Variants in TENM2 observed in about 807,000 individuals in gnomAD.
TENM2 encodes the protein teneurin transmembrane protein 2.
In TENM2, 52 loss-of-function variants were observed where a neutral mutation model predicts 245.2. That is an observed-to-expected ratio of 0.21 (90% CI 0.17 to 0.27). TENM2 has a LOEUF of 0.27. Ranked by LOEUF, TENM2 falls within the 10% of genes least tolerant of loss-of-function variation. The probability of loss-of-function intolerance (pLI) is 1.00; values close to 1 mark genes in which losing one functional copy is unlikely to be tolerated. For missense variants in TENM2, 3,046 were observed against 3,666.8 expected (o/e 0.83, Z 4.37); for synonymous variants, 1,363 against 1,438.9 (o/e 0.95, Z 1.19).
intron 2 of TENM2, among the ~76,000 whole-genome samples, chr5:167,684,963 T>C (rs971875137): frequency 2.0e-5 from 3 of 152,190 alleles, no homozygotes; most frequent in African/African-American, 7.2e-5. Context: ...CATAAGATCT[T>C]ATGGAATCTA....
At chr5:168,090,184 G>A (rs1453633234) in intron 7 of TENM2, among the ~76,000 whole-genome samples, 2 of 150,968 alleles carry the variant, frequency 1.3e-5, no homozygotes, top group Non-Finnish European at 2.9e-5. Flanking sequence ...AATGCAGAGG[G>A]GGACTGGAGC....
intron 2 of TENM2, among the ~76,000 whole-genome samples, chr5:167,714,997 C>G (rs756907406): frequency 3.4e-4 from 51 of 152,184 alleles, no homozygotes; most frequent in Non-Finnish European, 4.8e-4. Flanking sequence ...ATGGAATACT[C>G]TCTCTTTCTT....
chr5:167,865,847 A>C (rs1469713984), intron 2 of TENM2, among the ~76,000 whole-genome samples: 3 of 152,098 alleles, frequency 2.0e-5, no homozygotes, highest in Admixed American at 6.6e-5. Flanking sequence ...GACACCCAAA[A>C]CCTAAGACAA....
At chr5:167,235,222 G>A in the TENM2 span, among the ~76,000 whole-genome samples, 18 of 152,112 alleles carry the variant, frequency 1.2e-4, no homozygotes, top group Non-Finnish European at 2.6e-4. Context: ...AAGGACACCA[G>A]CTGCATTGGA....
At chr5:167,521,765 C>T (rs537537545) in intron 2 of TENM2, among the ~76,000 whole-genome samples, 3 of 152,198 alleles carry the variant, frequency 2.0e-5, no homozygotes, top group South Asian at 2.1e-4. Flanking sequence ...CCACCTAAGG[C>T]TTAGAAAGGT....
At chr5:167,350,572 GAT>G (rs1561883248) in intron 1 of TENM2, among the ~76,000 whole-genome samples, 1 of 129,854 alleles carries the variant, frequency 7.7e-6, no homozygotes, top group Non-Finnish European at 1.7e-5. Context: ...GATATATATA[GAT>G]ATATATATGG....
At chr5:167,834,074 A>G (rs1305039229) in intron 2 of TENM2, among the ~76,000 whole-genome samples, 1 of 128,860 alleles carries the variant, frequency 7.8e-6, no homozygotes. Context: ...TGGAGCTGAC[A>G]TTCTAGAAGG....
At chr5:167,136,936 A>G in the TENM2 span, among the ~76,000 whole-genome samples, 1 of 152,194 alleles carries the variant, frequency 6.6e-6, no homozygotes, top group South Asian at 2.1e-4. Flanking sequence ...GGTTTAAACA[A>G]CATAAATTTA....
the TENM2 span, among the ~76,000 whole-genome samples, chr5:167,138,394 A>G: frequency 6.6e-6 from 1 of 152,200 alleles, no homozygotes; most frequent in Non-Finnish European, 1.5e-5. Context: ...GAATTCAATG[A>G]CTTCATGGAA....
intron 2 of TENM2, among the ~76,000 whole-genome samples, chr5:167,745,887 T>C (rs188120078): frequency 6.6e-6 from 1 of 152,350 alleles, no homozygotes. Context: ...TATCCAGCAG[T>C]TGATGGACAT....
chr5:167,247,308 T>A, the TENM2 span, among the ~76,000 whole-genome samples: 2 of 152,134 alleles, frequency 1.3e-5, no homozygotes, highest in Non-Finnish European at 2.9e-5. Context: ...TTTGCTACCA[T>A]CCCAAACAGC....
intron 2 of TENM2, among the ~76,000 whole-genome samples, chr5:167,842,580 CAAAAAAAAAAAAAAAA>C (rs1160974467): frequency 2.4e-4 from 11 of 45,326 alleles, no homozygotes; most frequent in Non-Finnish European, 6.0e-4. Context: ...GACTCCATGT[CAAAAAAAAAAAAAAAA>C]AAAAAAAAAA....
intron 7 of TENM2, among the ~76,000 whole-genome samples, chr5:168,084,887 G>C (rs768872338): frequency 1.4e-4 from 21 of 152,184 alleles, no homozygotes; most frequent in Non-Finnish European, 2.6e-4. Context: ...CCCTAGCACT[G>C]CTAAGTTCTT....
In TENM2 at chr5:167,892,432, T is replaced by C. The variant is rs1774837564; in HGVS notation, c.712+16237T>C. Among the ~76,000 whole-genome samples, 4 of 152,076 alleles carry C rather than the reference T, an allele frequency of 2.6e-5. No individual in the cohort carries two copies. The South Asian group carries it at 8.3e-4, about 32-fold the overall frequency. ...TTAACAGGGCCTCTAGGCAGAGGAG[T>C]GGTTTTCCTCTCTTGGGTGGAGAAC... is the stretch of plus-strand genomic sequence containing the variant. On this transcript the variant is annotated intron_variant, in intron 3 of 28. Transcript: ENST00000518659.
intron 2 of TENM2, among the ~76,000 whole-genome samples, chr5:167,593,546 T>C (rs1466559657): frequency 6.6e-6 from 1 of 152,236 alleles, no homozygotes; most frequent in Non-Finnish European, 1.5e-5. Flanking sequence ...GCCACCAGCT[T>C]AGCCCAAGAC....
exon 29 of TENM2, chr5:168,262,217 G>C (rs1768255475): frequency 6.2e-7 from 1 of 1,607,958 alleles, no homozygotes; most frequent in African/African-American, 1.3e-5. Context: ...TGCCATCAAA[G>C]AAGGGCGGGT....
chr5:167,872,520 G>GAA (rs1248471877), intron 2 of TENM2, among the ~76,000 whole-genome samples: 8 of 50,130 alleles, frequency 1.6e-4, no homozygotes, highest in African/African-American at 3.8e-4. Context: ...AAGAAAGAAA[G>GAA]AAAGAAAGAA....
chr5:168,075,159 T>G (rs1194593140), intron 7 of TENM2, among the ~76,000 whole-genome samples: 1 of 152,116 alleles, frequency 6.6e-6, no homozygotes, highest in Non-Finnish European at 1.5e-5. Context: ...AAAGCTCAGC[T>G]CCCACTTATG....
At chr5:167,857,659 C>T (rs922512007) in intron 2 of TENM2, among the ~76,000 whole-genome samples, 1 of 152,106 alleles carries the variant, frequency 6.6e-6, no homozygotes, top group Admixed American at 6.5e-5. Context: ...ATTTCAAAGA[C>T]CATAGTTTGG....
Sources: allele counts gnomAD v4.1 joint callset (sites outside exome capture counted in the v4.1 genomes callset), GRCh38; gene constraint gnomAD v4.1.1; transcripts MANE v1.5; gene names NCBI Gene and HGNC (gene_info 2026-07-23, HGNC 2026-07-21).